Variants in GLIS1 observed in about 807,000 individuals in gnomAD.
The protein encoded by GLIS1 is zinc finger protein GLIS1.
A neutral mutation model predicts 63.8 loss-of-function variants in GLIS1; 24 were observed. The observed-to-expected ratio is 0.38, with a 90% confidence interval of 0.27 to 0.53. The LOEUF (loss-of-function observed/expected upper bound fraction) is 0.53, where lower values mean the gene tolerates loss of function less well. Ranked by LOEUF, GLIS1 falls within the 20% of genes least tolerant of loss-of-function variation. GLIS1 has a pLI of 0.85. For missense variants in GLIS1, 1,036 were observed against 1,074.1 expected (o/e 0.96, Z 0.50); for synonymous variants, 450 against 482.5 (o/e 0.93, Z 0.88).
At chr1:53,509,685 G>A (rs2100249751) in intron 9 of GLIS1, among the ~76,000 whole-genome samples, 164 bp downstream of exon 9, 1 of 152,312 alleles carries the variant, frequency 6.6e-6, no homozygotes, top group African/African-American at 2.4e-5. Context: ...CCTCAGCTGG[G>A]CCTCTTATGT....
At chr1:53,695,438 C>G (rs969097378) in intron 2 of GLIS1, among the ~76,000 whole-genome samples, 1 of 151,392 alleles carries the variant, frequency 6.6e-6, no homozygotes, top group African/African-American at 2.4e-5. Flanking sequence ...AAGAAGGTGA[C>G]AGACAGGGCA....
At chr1:53,656,593 G>C (rs553250179) in intron 2 of GLIS1, among the ~76,000 whole-genome samples, 1 of 152,204 alleles carries the variant, frequency 6.6e-6, no homozygotes, top group Non-Finnish European at 1.5e-5. Context: ...ACTTCTCCTC[G>C]TGCGATTTGC....
chr1:53,661,857 A>G (rs1381451763), intron 2 of GLIS1, among the ~76,000 whole-genome samples: 1 of 152,190 alleles, frequency 6.6e-6, no homozygotes, highest in East Asian at 1.9e-4. Context: ...CTCAGTGAAG[A>G]GTCATTCAAC....
chr1:53,662,332 C>A (rs1424671158), intron 2 of GLIS1, among the ~76,000 whole-genome samples: 1 of 152,148 alleles, frequency 6.6e-6, no homozygotes, highest in African/African-American at 2.4e-5. Flanking sequence ...CCCGCAGGAC[C>A]CAAGAGAAAT....
intron 4 of GLIS1, among the ~76,000 whole-genome samples, chr1:53,562,245 G>A (rs1006262650): frequency 6.6e-6 from 1 of 152,204 alleles, no homozygotes; most frequent in Admixed American, 6.5e-5. Flanking sequence ...TTACAAAGAT[G>A]CTACAGATGA....
intron 2 of GLIS1, among the ~76,000 whole-genome samples, chr1:53,623,372 G>A (rs1352800775): frequency 1.3e-5 from 2 of 152,068 alleles, no homozygotes; most frequent in African/African-American, 2.4e-5. Flanking sequence ...CAGCATACTA[G>A]AAACAGAAAA....
chr1:53,627,505 T>C (rs1298088454), intron 2 of GLIS1, among the ~76,000 whole-genome samples: 2 of 152,220 alleles, frequency 1.3e-5, no homozygotes, highest in East Asian at 3.9e-4. Context: ...ACCCCAGTAC[T>C]AGACATGTCA....
In GLIS1 at chr1:53,514,720, C is replaced by A; in HGVS notation, c.1788G>T (p.Ala596=). 1 of 1,612,860 alleles carries A rather than the reference C, an allele frequency of 6.2e-7. No homozygotes were observed. Among genetic ancestry groups the A allele is most frequent in the South Asian group, 1.1e-5 (1 of 90,876 alleles). ...NGLASGLLPP[A]HDVPSRHHPL... ...GGTGGTGCCTGGAAGGTACGTCGTG[C>A]GCTGGGGGCAGGAGGCCCGATGCAA... Residue 596 remains alanine (A), a synonymous_variant, in exon 8 of 11, where the codon GCG becomes GCT. Coordinates refer to ENST00000628545, the MANE Select transcript of GLIS1 (RefSeq NM_001367484.1).
At chr1:53,731,643 C>T (rs144929481) in intron 2 of GLIS1, among the ~76,000 whole-genome samples, 61 of 152,306 alleles carry the variant, frequency 4.0e-4, no homozygotes, top group African/African-American at 1.4e-3. Context: ...TCAGTCCCCC[C>T]ATCTTTAAAA....
Position 53,545,146 on chromosome 1 carries a change from C to T in GLIS1, c.1321-15194G>A, listed in dbSNP as rs571431224. ...CCAATTCTGTGAAAACCACCTAATA[C>T]CCTAATTTGTCTGCATTGCCAGGGA... is the stretch of plus-strand genomic sequence containing the variant. On this transcript the variant is annotated intron_variant, in intron 4 of 10. Transcript: ENST00000628545. Among the ~76,000 whole-genome samples the T allele has an allele frequency of 1.3e-4, 20 of 152,316 alleles. No homozygotes were observed. In the South Asian group the frequency reaches 3.5e-3, roughly 27 times the overall value.
intron 2 of GLIS1, among the ~76,000 whole-genome samples, chr1:53,725,612 G>A (rs941431031): frequency 9.2e-5 from 14 of 152,306 alleles, no homozygotes; most frequent in Admixed American, 2.0e-4. Flanking sequence ...TGCGAGCTCC[G>A]AGGAGGCAAG....
intron 2 of GLIS1, among the ~76,000 whole-genome samples, chr1:53,679,716 C>T (rs1217121635): frequency 2.0e-5 from 3 of 151,460 alleles, no homozygotes; most frequent in African/African-American, 7.4e-5. Context: ...AGCATGCTTC[C>T]TTGGGACAGC....
intron 2 of GLIS1, among the ~76,000 whole-genome samples, chr1:53,680,231 T>G (rs566019808): frequency 6.6e-5 from 10 of 151,910 alleles, no homozygotes; most frequent in African/African-American, 2.4e-4. Context: ...GTCCTTAACG[T>G]CTTCATAAGG....
chr1:53,546,435 G>A (rs762380834), intron 4 of GLIS1, among the ~76,000 whole-genome samples: 19 of 152,222 alleles, frequency 1.2e-4, no homozygotes, highest in Non-Finnish European at 2.4e-4. Context: ...GTGCAGCTTC[G>A]GATCAGGAAG....
chr1:53,594,525 C>A lies in GLIS1; in HGVS notation c.903G>T (p.Ser301=), dbSNP rs367567739. The change falls in exon 4 of 11, where the codon TCG becomes TCT. Residue 301 remains serine, a synonymous_variant. Coordinates refer to ENST00000628545, the MANE Select transcript of GLIS1 (RefSeq NM_001367484.1). ...PSKRARPGPA[S]TDSHEGSLQL... ...GCAAGCTGCCCTCATGGCTGTCCGT[C>A]GATGCAGGGCCAGGCCGGGCCCGCT... 5 of 1,611,524 alleles carry A rather than the reference C, an allele frequency of 3.1e-6. No homozygotes were observed. The highest frequency in any genetic ancestry group is 1.1e-5 in the South Asian group (1 of 91,036).
intron 2 of GLIS1, among the ~76,000 whole-genome samples, chr1:53,675,924 G>A (rs899380417): frequency 2.6e-5 from 4 of 151,170 alleles, no homozygotes; most frequent in African/African-American, 7.3e-5. Flanking sequence ...CTGGCCCAGA[G>A]AGAGAAGCCT....
At chr1:53,569,777 G>A (rs922332916) in intron 4 of GLIS1, among the ~76,000 whole-genome samples, 104 of 151,822 alleles carry the variant, frequency 6.9e-4, no homozygotes, top group Non-Finnish European at 1.1e-3. Context: ...TTTAAAAAGC[G>A]ATTTTATTTC....
intron 4 of GLIS1, among the ~76,000 whole-genome samples, chr1:53,589,185 A>G (rs1017009625): frequency 1.2e-4 from 18 of 152,178 alleles, no homozygotes; most frequent in African/African-American, 4.3e-4. Flanking sequence ...AGCTCACTAT[A>G]GCCTCAAACT....
chr1:53,514,902 G>T, intron 7 of GLIS1, 121 bp from the exon 8 acceptor site: 1 of 1,223,628 alleles, frequency 8.2e-7, no homozygotes, highest in Non-Finnish European at 1.1e-6. Context: ...AATGAACAAC[G>T]TTGTATCACT....
Sources: allele counts gnomAD v4.1 joint callset (sites outside exome capture counted in the v4.1 genomes callset), GRCh38; gene constraint gnomAD v4.1.1; transcripts MANE v1.5; gene names NCBI Gene and HGNC (gene_info 2026-07-23, HGNC 2026-07-21).